Variants in DUSP22 observed in about 807,000 individuals in gnomAD.
DUSP22 encodes dual specificity phosphatase 22.
Under a neutral mutation model 24.5 loss-of-function variants are expected in DUSP22, and 24 were observed. That is an observed-to-expected ratio of 0.98 (90% CI 0.71 to 1.38). The LOEUF (loss-of-function observed/expected upper bound fraction) is 1.38. Ranked by LOEUF, DUSP22 falls within the 40% of genes most tolerant of loss-of-function variation. The pLI is 0.00. For missense variants in DUSP22, 330 were observed against 269.2 expected (o/e 1.23, Z -1.58); for synonymous variants, 160 against 106.4 (o/e 1.50, Z -3.10).
Position 351,005 on chromosome 6 carries a change from G to T in DUSP22, c.*2054G>T. 1 of 1,253,798 alleles carries T rather than the reference G, an allele frequency of 8.0e-7. No individual in the cohort carries two copies. Among genetic ancestry groups the T allele is most frequent in the South Asian group, 1.3e-5 (1 of 77,578 alleles). 77.7% of individuals were successfully genotyped at this position (1,253,798 alleles called of 1,614,324 possible). A position where few individuals can be genotyped will look rare whatever the true frequency, so the allele number is the denominator to read the frequency against. On this transcript the variant is annotated 3_prime_UTR_variant, in exon 7 of 7. Transcript: ENST00000419235. Reference sequence around the variant, plus strand: ...TCATTTGAAGCTGAATATATACGTAGTCATGTTTATGTTGAGAACTAAGGA... The same window carrying T: ...TCATTTGAAGCTGAATATATACGTATTCATGTTTATGTTGAGAACTAAGGA...
At chr6:320,798 TGGAGGC>T (rs1474338994) in intron 3 of DUSP22, among the ~76,000 whole-genome samples, 1 of 152,380 alleles carries the variant, frequency 6.6e-6, no homozygotes, top group African/African-American at 2.4e-5. Flanking sequence ...GATGATAGAG[TGGAGGC>T]GGTGGTCAGT....
At chr6:348,536 T>A in intron 6 of DUSP22, 1 of 853,104 alleles carries the variant, frequency 1.2e-6, no homozygotes, top group Non-Finnish European at 1.8e-6. Context: ...TTGGGTGACG[T>A]ACCATTTCCT....
In DUSP22 at chr6:348,087, T is replaced by A. The variant is rs559524878; in HGVS notation, c.264-16T>A. The A allele has an allele frequency of 7.4e-6, 12 of 1,613,826 alleles. No homozygotes were observed. In the African/African-American group the frequency reaches 1.5e-4, roughly 20 times the overall value. On this transcript the variant is annotated splice_polypyrimidine_tract_variant and intron_variant, in intron 5 of 6. Coordinates refer to ENST00000419235, the MANE Select transcript of DUSP22 (RefSeq NM_001286555.3). ...CTGAAACTGCCCTCACACATGTGCTTCTCTTGGCCCCGCAGCCTGGCCGGG... is the reference window on the plus strand; with the variant it reads ...CTGAAACTGCCCTCACACATGTGCTACTCTTGGCCCCGCAGCCTGGCCGGG...
At chr6:297,631 G>A (rs1305408685) in intron 1 of DUSP22, among the ~76,000 whole-genome samples, 1 of 152,306 alleles carries the variant, frequency 6.6e-6, no homozygotes, top group Non-Finnish European at 1.5e-5. Flanking sequence ...AAATGTCCCT[G>A]ATGTTGGCAG....
At chr6:346,925 A>G (rs1759909935) in intron 5 of DUSP22, among the ~76,000 whole-genome samples, 1 of 152,302 alleles carries the variant, frequency 6.6e-6, no homozygotes, top group Non-Finnish European at 1.5e-5. Context: ...TAGGGACGAC[A>G]GGGAGGACGC....
intron 4 of DUSP22, among the ~76,000 whole-genome samples, chr6:339,009 A>C (rs1396632767): frequency 6.6e-6 from 1 of 152,304 alleles, no homozygotes; most frequent in Non-Finnish European, 1.5e-5. Context: ...TAACATTAAC[A>C]TGTTAGAATT....
intron 3 of DUSP22, among the ~76,000 whole-genome samples, chr6:321,536 A>G (rs1758587838): frequency 1.3e-5 from 2 of 152,302 alleles, no homozygotes; most frequent in African/African-American, 4.8e-5. Flanking sequence ...TATTTTTTAG[A>G]AGTGAAAGAG....
At chr6:302,143 C>G (rs1221725700) in intron 1 of DUSP22, among the ~76,000 whole-genome samples, 1 of 152,306 alleles carries the variant, frequency 6.6e-6, no homozygotes, top group African/African-American at 2.4e-5. Flanking sequence ...CCATCGCCGT[C>G]ACGGAGGTGA....
At chr6:314,326 A>G (rs910066578) in intron 3 of DUSP22, among the ~76,000 whole-genome samples, 1 of 152,274 alleles carries the variant, frequency 6.6e-6, no homozygotes, top group Non-Finnish European at 1.5e-5. Context: ...GGGGCTTGGT[A>G]GGAAGTGGGA....
intron 5 of DUSP22, among the ~76,000 whole-genome samples, chr6:347,414 C>G (rs1759934670): frequency 6.6e-6 from 1 of 152,308 alleles, no homozygotes; most frequent in Admixed American, 6.5e-5. Flanking sequence ...TGCTAGAACT[C>G]TCTAAGTCTG....
At chr6:322,971 G>C (rs1320943225) in intron 3 of DUSP22, among the ~76,000 whole-genome samples, 1 of 152,304 alleles carries the variant, frequency 6.6e-6, no homozygotes, top group African/African-American at 2.4e-5. Flanking sequence ...ATGCGCCCTA[G>C]TTTACCAAAG....
At chr6:344,653 A>G (rs1272341161) in intron 4 of DUSP22, among the ~76,000 whole-genome samples, 4 of 152,302 alleles carry the variant, frequency 2.6e-5, no homozygotes, top group South Asian at 4.1e-4. Context: ...CCTGTGAGAT[A>G]CCAGCCCCAC....
chr6:307,362 C>CT (rs1216509930), intron 2 of DUSP22, among the ~76,000 whole-genome samples: 1 of 152,288 alleles, frequency 6.6e-6, no homozygotes, highest in African/African-American at 2.4e-5. Context: ...TCCCTCCTTC[C>CT]TTTCAGTAGG....
intron 4 of DUSP22, among the ~76,000 whole-genome samples, chr6:343,184 A>C (rs1351043959): frequency 6.6e-6 from 1 of 152,292 alleles, no homozygotes; most frequent in Non-Finnish European, 1.5e-5. Context: ...ATCTGGGTGC[A>C]GGTATTCTGC....
At chr6:301,707 G>A (rs748115909) in intron 1 of DUSP22, among the ~76,000 whole-genome samples, 9 of 152,278 alleles carry the variant, frequency 5.9e-5, no homozygotes, top group Admixed American at 5.2e-4. Context: ...GTGCCACAGC[G>A]GTGGGAGCCC....
chr6:323,029 G>A (rs1398420875), intron 3 of DUSP22, among the ~76,000 whole-genome samples: 1 of 152,308 alleles, frequency 6.6e-6, no homozygotes, highest in Non-Finnish European at 1.5e-5. Context: ...AATAATCATT[G>A]CCTGCTAGGC....
chr6:349,465 G>C lies in DUSP22; in HGVS notation c.*514G>C. On this transcript the variant is annotated 3_prime_UTR_variant, in exon 7 of 7. Coordinates refer to ENST00000419235, the MANE Select transcript of DUSP22 (RefSeq NM_001286555.3). ...GGCATTTGAGCTCGACCTCCGAAAA[G>C]CTACCCAGCAAAGAGCAGTCTGTGC... The C allele has an allele frequency of 3.0e-6, 3 of 1,008,460 alleles. No individual in the cohort carries two copies. Among genetic ancestry groups the C allele is most frequent in the Non-Finnish European group, 3.6e-6 (3 of 844,394 alleles). The allele number at this position is 1,008,460 out of a possible 1,614,324, so 62.5% of individuals were successfully genotyped here.
intron 3 of DUSP22, among the ~76,000 whole-genome samples, chr6:323,475 C>CT (rs1194309468): frequency 6.6e-6 from 1 of 152,310 alleles, no homozygotes; most frequent in Non-Finnish European, 1.5e-5. Flanking sequence ...CATCTGAAAT[C>CT]TGAGTTAGAG....
intron 3 of DUSP22, among the ~76,000 whole-genome samples, chr6:332,572 G>C (rs1477383681): frequency 1.2e-4 from 18 of 152,220 alleles, no homozygotes; most frequent in Admixed American, 5.2e-4. Context: ...ATACTGTCCA[G>C]TCCCACGGCT....
Sources: allele counts gnomAD v4.1 joint callset (sites outside exome capture counted in the v4.1 genomes callset), GRCh38; gene constraint gnomAD v4.1.1; transcripts MANE v1.5; gene names NCBI Gene and HGNC (gene_info 2026-07-23, HGNC 2026-07-21).